The following TMEM235 variants were observed in gnomAD, a reference collection of about 807,000 sequenced individuals.
TMEM235 encodes the protein claudin-27.
Under a neutral mutation model 22.9 loss-of-function variants are expected in TMEM235, and 23 were observed. The observed-to-expected ratio is 1.00, with a 90% CI of 0.72 to 1.42. The LOEUF (loss-of-function observed/expected upper bound fraction) is 1.42. Among genes scored for constraint, TMEM235 ranks in the 40% most tolerant of loss-of-function variants. The pLI is 0.00. For missense variants in TMEM235, 308 were observed against 299.5 expected, an observed-to-expected ratio of 1.03 and a Z score of -0.21; for synonymous variants, 137 against 140.5, an observed-to-expected ratio of 0.98 and a Z score of 0.17.
At position 78,237,369 on chromosome 17, in the gene TMEM235, A is replaced by C. The variant is rs1468496951; in HGVS notation, c.410-1655A>C. Among the ~76,000 whole-genome samples the C allele has an allele frequency of 2.0e-5, 3 of 152,130 alleles. No individual in the cohort carries two copies. Among genetic ancestry groups the C allele is most frequent in the Non-Finnish European group, 4.4e-5 (3 of 67,998 alleles). Reference sequence around the variant, plus strand: ...GGACCGACAGGGCCCACGGTGACAGAGTCCTTTAGAGTTTCCCAGCTTGAG... The same window carrying C: ...GGACCGACAGGGCCCACGGTGACAGCGTCCTTTAGAGTTTCCCAGCTTGAG... On this transcript the variant is annotated intron_variant, in intron 4 of 5. Coordinates refer to ENST00000421688, the Ensembl canonical transcript of TMEM235. The surrounding 1 kb of genome is among the most constrained non-coding windows in gnomAD (Gnocchi z 4.7).
chr17:78,231,578 T>C (rs2076579012), exon 2 of TMEM235: 2 of 1,303,912 alleles, frequency 1.5e-6, no homozygotes, highest in Admixed American at 2.3e-5. Flanking sequence ...TCCTGCTGCC[T>C]GGCCGGCCAT....
intron 5 of TMEM235, 57 bp downstream of exon 4, chr17:78,239,330 G>C (rs2076683516): frequency 1.3e-5 from 20 of 1,491,852 alleles, no homozygotes; most frequent in Non-Finnish European, 1.7e-5. Context: ...TCAGGGCCAG[G>C]GCCCCTTGAG....
exon 2 of TMEM235, chr17:78,232,089 G>A: frequency 6.8e-7 from 1 of 1,468,640 alleles, no homozygotes; most frequent in Non-Finnish European, 9.0e-7. Context: ...TCGCGCTCCT[G>A]GCCGCCGCGG....
chr17:78,240,107 C>T (rs1024019509), exon 6 of TMEM235: 39 of 1,352,172 alleles, frequency 2.9e-5, no homozygotes, highest in Admixed American at 5.5e-5. Context: ...CTGCTTCCGG[C>T]CCCCGACCCT....
rs1352808748 is a variant in TMEM235 at position 78,238,336 on chromosome 17, G to C, written c.410-688G>C. 6.6e-6 allele frequency among the ~76,000 whole-genome samples: 1 copy of C among 152,102 alleles called. No individual in the cohort carries two copies. Among genetic ancestry groups the C allele is most frequent in the Non-Finnish European group, 1.5e-5 (1 of 68,010 alleles). ...TGTGGAGAGCGGGAGGGAGGAGAGA[G>C]GAGGGCCCAGGGCAGGCATCCTCCC... On this transcript the variant is annotated intron_variant, in intron 4 of 5. Coordinates refer to ENST00000421688, the Ensembl canonical transcript of TMEM235. The surrounding 1 kb of genome is among the most constrained non-coding windows in gnomAD (Gnocchi z 4.3).
exon 2 of TMEM235, chr17:78,231,923 C>A: frequency 1.0e-6 from 1 of 991,780 alleles, no homozygotes; most frequent in South Asian, 4.6e-5. Context: ...GGCGCCGCCG[C>A]GCCCGCCCGC....
chr17:78,234,192 C>T (rs1192498056), intron 3 of TMEM235: 2 of 704,184 alleles, frequency 2.8e-6, no homozygotes, highest in Non-Finnish European at 5.1e-6. Context: ...CAGTTTCCCT[C>T]TCAGTGGTGA....
rs922238549 is a variant in TMEM235, at chr17:78,232,226, C to A, written c.190+13C>A. 18 of 1,442,592 alleles carry A rather than the reference C, an allele frequency of 1.2e-5. No homozygotes were observed. The Admixed American group carries it at 3.6e-4, about 29-fold the overall frequency. 89.4% of individuals were successfully genotyped at this position (1,442,592 alleles called of 1,614,324 possible). ...CGCATCTGCGAAGGTAACCGGCCAC[C>A]GCGCCGGCCCTCCTCCCTCCGCGAC... On this transcript the variant is annotated intron_variant, in intron 2 of 5. Coordinates refer to ENST00000421688, the Ensembl canonical transcript of TMEM235.
rs921225999 is a variant in TMEM235 at position 78,239,302 on chromosome 17, C to T, written c.659+29C>T. On this transcript the variant is annotated intron_variant, in intron 5 of 5. Transcript: ENST00000421688. ...AGAGGGGGCTGGGTTTCCCTTTGCA[C>T]CTCCCGGGATTGGGCGGTCAGGGCC... The T allele has an allele frequency of 2.0e-6, 3 of 1,529,792 alleles. No homozygotes were observed. The African/African-American group carries it at 4.1e-5, about 21-fold the overall frequency. The allele number at this position is 1,529,792 out of a possible 1,614,324, so 94.8% of individuals were successfully genotyped here. A position where few individuals can be genotyped will look rare whatever the true frequency, so the allele number is the denominator to read the frequency against.
rs1293979180 is a variant in TMEM235 at position 78,239,017 on chromosome 17, C to A, written c.410-7C>A. The A allele has an allele frequency of 2.6e-6, 4 of 1,536,212 alleles. No individual in the cohort carries two copies. Among genetic ancestry groups the A allele is most frequent in the Non-Finnish European group, 3.5e-6 (4 of 1,142,570 alleles). On this transcript the variant is annotated splice_polypyrimidine_tract_variant and splice_region_variant and intron_variant, in intron 4 of 5. Transcript: ENST00000421688. ...CCGAGCAGCTGCCCTCCCCATCTCT[C>A]CCCCAGGTGTCCTGACACTGGCGGG...
chr17:78,234,679 G>T (rs1177114920), exon 4 of TMEM235: 22 of 1,536,144 alleles, frequency 1.4e-5, no homozygotes, highest in Non-Finnish European at 1.9e-5. Context: ...CAGCTCCCTG[G>T]CCCAGAGCGT....
intron 2 of TMEM235, among the ~76,000 whole-genome samples, chr17:78,232,958 C>T (rs2076600574): frequency 6.6e-6 from 1 of 151,994 alleles, no homozygotes; most frequent in Non-Finnish European, 1.5e-5. Flanking sequence ...AGTGTGTGAG[C>T]ATGTCAGTGT....
intron 4 of TMEM235, among the ~76,000 whole-genome samples, chr17:78,236,513 G>C (rs995786500): frequency 6.6e-6 from 1 of 152,224 alleles, no homozygotes; most frequent in African/African-American, 2.4e-5. Flanking sequence ...CCCAGCTGCA[G>C]GTGAGAAATC....
exon 2 of TMEM235, chr17:78,231,603 T>C (rs1466239002): frequency 1.5e-6 from 2 of 1,303,192 alleles, no homozygotes; most frequent in East Asian, 1.1e-4. Context: ...CTGGGGTCGG[T>C]CTCTGGCCGA....
At chr17:78,240,686 C>G (rs1246423982) in exon 6 of TMEM235, 1 of 152,310 alleles carries the variant, frequency 6.6e-6, no homozygotes, top group Non-Finnish European at 1.5e-5. Context: ...TCTTCCTCCA[C>G]CCTGCCCCAC....
rs572447161 is a variant in TMEM235 at position 78,238,530 on chromosome 17, T to C, written c.410-494T>C. Among the ~76,000 whole-genome samples the C allele has an allele frequency of 6.7e-6, 1 of 149,358 alleles. No homozygotes were observed. The highest frequency in any genetic ancestry group is 2.5e-5 in the African/African-American group (1 of 40,480). On this transcript the variant is annotated intron_variant, in intron 4 of 5. Coordinates refer to ENST00000421688, the Ensembl canonical transcript of TMEM235. This position sits in a 1 kb window ranked among gnomAD's most constrained non-coding sequence, Gnocchi z 4.3. ...TGATCAGAGCACTGGGCAACGCTGC[T>C]GCCAGCAGAGGCCATGGCTCTGTGT...
Position 78,237,561 on chromosome 17 carries a change from G to T in TMEM235, c.410-1463G>T, listed in dbSNP as rs377689089. 4.6e-5 allele frequency among the ~76,000 whole-genome samples: 7 copies of T among 152,254 alleles called. 2 individuals carry two copies. The highest frequency in any genetic ancestry group is 1.7e-4 in the African/African-American group (7 of 41,548). ...GTCCTCGGCCAGGCTACAGGAGGCA[G>T]CTGGTGTTTGGAGAGGGCTCAGCTG... On this transcript the variant is annotated intron_variant, in intron 4 of 5. Coordinates refer to ENST00000421688, the Ensembl canonical transcript of TMEM235. The surrounding 1 kb of genome is among the most constrained non-coding windows in gnomAD (Gnocchi z 4.7).
At chr17:78,233,380 T>C (rs1277523057) in intron 2 of TMEM235, among the ~76,000 whole-genome samples, 2 of 152,194 alleles carry the variant, frequency 1.3e-5, no homozygotes, top group East Asian at 1.9e-4. Flanking sequence ...AGTTTAAACA[T>C]GCACCTGTGC....
chr17:78,231,418 T>C, intron 1 of TMEM235: 1 of 1,291,550 alleles, frequency 7.7e-7, no homozygotes. Flanking sequence ...AAACAAGGTT[T>C]TTTCCTTCCG....
Sources: gnomAD v4.1 joint callset for allele counts (sites outside exome capture counted in the v4.1 genomes callset) on GRCh38, gnomAD v4.1.1 for gene constraint, Gnocchi (gnomAD v3.1) non-coding constraint, MANE v1.5 for transcripts, NCBI Gene and HGNC (gene_info 2026-07-23, HGNC 2026-07-21) for gene names.